Variants in HSF2BP observed in about 807,000 individuals in gnomAD.
HSF2BP encodes the protein heat shock transcription factor 2 binding protein.
A neutral mutation model predicts 35.0 loss-of-function variants in HSF2BP; 35 were observed. That is an observed-to-expected ratio of 1.00 (90% CI 0.76 to 1.32). HSF2BP has a LOEUF of 1.32. Among genes scored for constraint, HSF2BP ranks in the 40% most tolerant of loss-of-function variants. HSF2BP has a pLI of 0.00. For missense variants in HSF2BP, 326 were observed against 321.7 expected (o/e 1.01, Z -0.10); for synonymous variants, 114 against 117.4 (o/e 0.97, Z 0.18).
intron 5 of HSF2BP, 72 bp downstream of exon 5, chr21:43,633,200 T>G: frequency 6.7e-7 from 1 of 1,483,712 alleles, no homozygotes; most frequent in Non-Finnish European, 9.1e-7. Context: ...TTAAATGCCT[T>G]AATAAGCTAT....
At chr21:43,587,266 A>G (rs977020664) in intron 8 of HSF2BP, among the ~76,000 whole-genome samples, 2 of 152,224 alleles carry the variant, frequency 1.3e-5, no homozygotes, top group African/African-American at 2.4e-5. Flanking sequence ...ACTTTAGAAC[A>G]AATGATTCTA....
chr21:43,658,498 G>A (rs1457949459), intron 1 of HSF2BP, among the ~76,000 whole-genome samples, 178 bp from the exon 2 acceptor site: 1 of 152,214 alleles, frequency 6.6e-6, no homozygotes, highest in Non-Finnish European at 1.5e-5. Flanking sequence ...GCGCTTTTAC[G>A]TTAAGGGTTG....
chr21:43,585,386 T>C (rs535581021), intron 8 of HSF2BP, among the ~76,000 whole-genome samples: 1 of 152,286 alleles, frequency 6.6e-6, no homozygotes, highest in South Asian at 2.1e-4. Flanking sequence ...GTCAGGGATT[T>C]TTCCATCATA....
At chr21:43,598,766 T>A (rs1331433378) in intron 7 of HSF2BP, among the ~76,000 whole-genome samples, 1 of 152,204 alleles carries the variant, frequency 6.6e-6, no homozygotes, top group Admixed American at 6.5e-5. Context: ...GTAGTGTTCA[T>A]GAGGAAAATT....
At chr21:43,596,740 T>C (rs1016292028) in intron 7 of HSF2BP, among the ~76,000 whole-genome samples, 2 of 151,682 alleles carry the variant, frequency 1.3e-5, no homozygotes, top group Non-Finnish European at 2.9e-5. Context: ...AACCATTAGA[T>C]AGGCATGGTG....
chr21:43,499,894 C>T, the HSF2BP span, among the ~76,000 whole-genome samples: 1,086 of 101,774 alleles, frequency 0.011, 21 homozygotes, highest in Admixed American at 0.039. Flanking sequence ...ATATCACACA[C>T]AGCACACATG....
At chr21:43,588,459 T>TGTAGC (rs994730718) in intron 8 of HSF2BP, among the ~76,000 whole-genome samples, 5 of 151,676 alleles carry the variant, frequency 3.3e-5, no homozygotes, top group Middle Eastern at 3.4e-3. Flanking sequence ...GCAGCAGTCC[T>TGTAGC]GTAGCGTTGT....
chr21:43,614,269 A>G (rs1307214907), intron 6 of HSF2BP, among the ~76,000 whole-genome samples: 1 of 151,836 alleles, frequency 6.6e-6, no homozygotes, highest in African/African-American at 2.4e-5. Context: ...AGGTAGAGGC[A>G]GAAGGATTGC....
chr21:43,616,430 G>T (rs141783575), intron 6 of HSF2BP, among the ~76,000 whole-genome samples: 4,503 of 151,794 alleles, frequency 0.03, 245 homozygotes, highest in African/African-American at 0.1. Flanking sequence ...AATCACCTGA[G>T]GTCAGGAGTT....
At chr21:43,625,526 T>C (rs1284029386) in intron 6 of HSF2BP, among the ~76,000 whole-genome samples, 2 of 151,640 alleles carry the variant, frequency 1.3e-5, no homozygotes, top group Admixed American at 6.6e-5. Flanking sequence ...TATACTTTTG[T>C]AGAAATTTAC....
chr21:43,625,661 C>A (rs75088771), intron 6 of HSF2BP, among the ~76,000 whole-genome samples: 6,234 of 152,210 alleles, frequency 0.041, 437 homozygotes, highest in African/African-American at 0.14. Flanking sequence ...GTCTCTATTA[C>A]CTATCCCCAC....
chr21:43,599,731 T>A (rs1205687938), intron 7 of HSF2BP, among the ~76,000 whole-genome samples: 1 of 151,552 alleles, frequency 6.6e-6, no homozygotes, highest in African/African-American at 2.4e-5. Context: ...GAGGCAGAGG[T>A]TGCAGCGAGC....
At chr21:43,623,690 G>T (rs1057085685) in intron 6 of HSF2BP, among the ~76,000 whole-genome samples, 2 of 152,128 alleles carry the variant, frequency 1.3e-5, no homozygotes, top group Non-Finnish European at 2.9e-5. Flanking sequence ...TTCCAGAGTG[G>T]TCTTCCTTCT....
intron 3 of HSF2BP, among the ~76,000 whole-genome samples, chr21:43,648,019 G>A (rs750898163): frequency 3.3e-5 from 5 of 151,170 alleles, no homozygotes; most frequent in African/African-American, 4.9e-5. Flanking sequence ...AGGGAATTTT[G>A]CTTTTCATTC....
At chr21:43,506,865 A>G in the HSF2BP span, among the ~76,000 whole-genome samples, 1 of 125,168 alleles carries the variant, frequency 8.0e-6, no homozygotes, top group Admixed American at 7.8e-5. Flanking sequence ...GGCTCTCTCC[A>G]GAAGACCACG....
At chr21:43,655,808 T>C (rs1009794509) in intron 3 of HSF2BP, among the ~76,000 whole-genome samples, 1 of 152,134 alleles carries the variant, frequency 6.6e-6, no homozygotes, top group Non-Finnish European at 1.5e-5. Flanking sequence ...CTGTCCCTTC[T>C]AACTGGATGT....
At chr21:43,646,480 A>T (rs1292813405) in intron 3 of HSF2BP, among the ~76,000 whole-genome samples, 1 of 152,158 alleles carries the variant, frequency 6.6e-6, no homozygotes, top group East Asian at 1.9e-4. Context: ...GTGATTTAAA[A>T]TTTTTTCTTT....
intron 3 of HSF2BP, among the ~76,000 whole-genome samples, chr21:43,652,395 A>G (rs1348088073): frequency 1.8e-5 from 2 of 110,806 alleles, no homozygotes; most frequent in Non-Finnish European, 3.6e-5. Context: ...AGAGCCAGAC[A>G]CCATCAAAAA....
chr21:43,580,067 C>A (rs933035022), intron 8 of HSF2BP, among the ~76,000 whole-genome samples: 1 of 152,204 alleles, frequency 6.6e-6, no homozygotes, highest in Non-Finnish European at 1.5e-5. Flanking sequence ...TCTGCTCAGG[C>A]CTCTCGGCCA....
Sources: allele counts gnomAD v4.1 joint callset (sites outside exome capture counted in the v4.1 genomes callset), GRCh38; gene constraint gnomAD v4.1.1; transcripts MANE v1.5; gene names NCBI Gene and HGNC (gene_info 2026-07-23, HGNC 2026-07-21).